The following RBFOX1 variants were observed in gnomAD, a reference collection of about 807,000 sequenced individuals.
RBFOX1 encodes the protein RNA binding fox-1 homolog 1.
In RBFOX1, 8 loss-of-function variants were observed where a neutral mutation model predicts 57.7. That is an observed-to-expected ratio of 0.14 (90% CI 0.08 to 0.25). The LOEUF is 0.25. Among genes scored for constraint, RBFOX1 ranks in the 10% least tolerant of loss-of-function variants. The pLI, the probability that RBFOX1 is intolerant of heterozygous loss-of-function variation, is 1.00. For missense variants in RBFOX1, 611 were observed against 548.5 expected (o/e 1.11, Z -1.14); for synonymous variants, 326 against 222.4 (o/e 1.47, Z -4.15).
At chr16:6,486,011 A>AT (rs2095472473) in intron 2 of RBFOX1, among the ~76,000 whole-genome samples, 1 of 71,154 alleles carries the variant, frequency 1.4e-5, no homozygotes, top group African/African-American at 7.1e-5. Context: ...CCAGCTAATT[A>AT]TTTTTCTTTT....
At chr16:6,590,041 C>CA (rs2097688860) in intron 2 of RBFOX1, among the ~76,000 whole-genome samples, 1 of 151,418 alleles carries the variant, frequency 6.6e-6, no homozygotes, top group African/African-American at 2.4e-5. Flanking sequence ...ATCTCTTGGC[C>CA]AAAAAGAAAA....
chr16:5,988,500 T>C (rs2060324842), intron 4 of RBFOX1, among the ~76,000 whole-genome samples: 1 of 152,188 alleles, frequency 6.6e-6, no homozygotes, highest in South Asian at 2.1e-4. Flanking sequence ...CTACTTCGTC[T>C]AAGTTCCCAG....
intron 2 of RBFOX1, among the ~76,000 whole-genome samples, chr16:6,477,742 A>G (rs2153089525): frequency 6.6e-6 from 1 of 152,352 alleles, no homozygotes; most frequent in East Asian, 1.9e-4. Flanking sequence ...TGAAAGTTAT[A>G]GATACCATCT....
At chr16:7,533,173 T>C (rs1268199638) in intron 5 of RBFOX1, among the ~76,000 whole-genome samples, 1 of 152,224 alleles carries the variant, frequency 6.6e-6, no homozygotes, top group Non-Finnish European at 1.5e-5. Flanking sequence ...TTGAGTATGA[T>C]ACTCTTTCAG....
chr16:6,065,108 G>T (rs983108326), intron 1 of RBFOX1, among the ~76,000 whole-genome samples: 4 of 151,052 alleles, frequency 2.6e-5, no homozygotes, highest in African/African-American at 7.3e-5. Context: ...GCTTACTGCA[G>T]CCTTGACCTC....
intron 1 of RBFOX1, among the ~76,000 whole-genome samples, chr16:5,312,987 C>T (rs1002302556): frequency 6.6e-6 from 1 of 151,984 alleles, no homozygotes; most frequent in Non-Finnish European, 1.5e-5. Context: ...TGCTTAGTGC[C>T]TTTTTTTTCC....
rs116846370 is a variant in RBFOX1 at position 5,929,559 on chromosome 16, G to A, written c.351+62224G>A. The stretch of plus-strand genomic sequence containing the variant: ...CCTCTTACTATACTGCAAGACAAAG[G>A]TTCCATGTTCCATATGTGTAGTTAT... On this transcript the variant is annotated intron_variant, in intron 4 of 19. Transcript: ENST00000641259. Among the ~76,000 whole-genome samples, 76 of 152,236 alleles carry A rather than the reference G, an allele frequency of 5.0e-4. No individual in the cohort carries two copies. In the East Asian group the frequency reaches 0.014, roughly 27 times the overall value.
At chr16:7,125,814 G>T (rs927676337) in intron 4 of RBFOX1, among the ~76,000 whole-genome samples, 2 of 152,138 alleles carry the variant, frequency 1.3e-5, no homozygotes, top group Admixed American at 6.5e-5. Flanking sequence ...CAGGCGAAGT[G>T]CCTCACACCT....
chr16:6,632,973 A>G (rs1215999541), intron 2 of RBFOX1, among the ~76,000 whole-genome samples: 1 of 149,770 alleles, frequency 6.7e-6, no homozygotes, highest in Non-Finnish European at 1.5e-5. Flanking sequence ...CAGAGGTTAC[A>G]AAAATAAATA....
intron 4 of RBFOX1, among the ~76,000 whole-genome samples, chr16:7,128,649 T>C (rs1335096535): frequency 6.6e-6 from 1 of 152,108 alleles, no homozygotes; most frequent in Non-Finnish European, 1.5e-5. Context: ...TACCCTATTG[T>C]TACCAGAATA....
At chr16:6,853,054 C>T (rs1360413834) in intron 3 of RBFOX1, among the ~76,000 whole-genome samples, 1 of 152,140 alleles carries the variant, frequency 6.6e-6, no homozygotes, top group East Asian at 1.9e-4. Flanking sequence ...CCAGGCAACC[C>T]AGAGACAGCC....
At chr16:7,395,031 A>G (rs574625991) in intron 4 of RBFOX1, among the ~76,000 whole-genome samples, 1 of 152,336 alleles carries the variant, frequency 6.6e-6, no homozygotes, top group East Asian at 1.9e-4. Flanking sequence ...TTGTAGGTGT[A>G]TAATAAGTTT....
At chr16:5,759,394 C>A (rs760088551) in intron 3 of RBFOX1, among the ~76,000 whole-genome samples, 2 of 152,204 alleles carry the variant, frequency 1.3e-5, no homozygotes, top group African/African-American at 2.4e-5. Flanking sequence ...TCTCTCACCA[C>A]CTTGTACAAT....
chr16:6,921,110 A>G (rs1232058827), intron 3 of RBFOX1, among the ~76,000 whole-genome samples: 1 of 152,146 alleles, frequency 6.6e-6, no homozygotes, highest in Non-Finnish European at 1.5e-5. Context: ...GTGACCATTG[A>G]TAAGTTTCCT....
At chr16:7,121,737 CA>C (rs1600135023) in intron 4 of RBFOX1, among the ~76,000 whole-genome samples, 1 of 151,480 alleles carries the variant, frequency 6.6e-6, no homozygotes, top group Admixed American at 6.6e-5. Flanking sequence ...CTAGAATATC[CA>C]AAATAAAGAA....
At chr16:6,428,827 G>A (rs191830257) in intron 2 of RBFOX1, among the ~76,000 whole-genome samples, 1 of 152,306 alleles carries the variant, frequency 6.6e-6, no homozygotes, top group African/African-American at 2.4e-5. Context: ...GCAATGGGAA[G>A]TCTAAATTAA....
chr16:7,664,626 A>T, intron 12 of RBFOX1: 1 of 415,890 alleles, frequency 2.4e-6, no homozygotes, highest in Non-Finnish European at 4.4e-6. Flanking sequence ...CTTAAATCTC[A>T]GTCCTCTTTG....
chr16:6,533,793 C>T (rs1398366390), intron 2 of RBFOX1, among the ~76,000 whole-genome samples: 2 of 152,148 alleles, frequency 1.3e-5, no homozygotes, highest in Non-Finnish European at 2.9e-5. Flanking sequence ...GGAACATAAA[C>T]ATCTGCCTTT....
intron 4 of RBFOX1, among the ~76,000 whole-genome samples, chr16:7,414,137 C>T (rs1249130092): frequency 6.6e-6 from 1 of 152,208 alleles, no homozygotes; most frequent in Non-Finnish European, 1.5e-5. Flanking sequence ...TACAGACAAT[C>T]CATTCATTCG....
Sources: gnomAD v4.1 joint callset for allele counts (sites outside exome capture counted in the v4.1 genomes callset) on GRCh38, gnomAD v4.1.1 for gene constraint, MANE v1.5 for transcripts, NCBI Gene and HGNC (gene_info 2026-07-23, HGNC 2026-07-21) for gene names.